Variants in GDAP1 observed in about 807,000 individuals in gnomAD.
GDAP1 encodes ganglioside-induced differentiation-associated protein 1.
Under a neutral mutation model 40.1 loss-of-function variants are expected in GDAP1, and 34 were observed. The ratio of observed to expected loss-of-function variants is 0.85; its 90% CI spans 0.64 to 1.13. The LOEUF is 1.13. Among genes scored for constraint, GDAP1 ranks in the 50% most tolerant of loss-of-function variants. GDAP1 has a pLI of 0.00. For synonymous variants in GDAP1, 170 were observed against 157.4 expected (o/e 1.08, Z -0.60); for missense variants, 374 against 433.7 (o/e 0.86, Z 1.22).
chr8:74,437,824 T>C (rs1806111810), intron 2 of GDAP1, among the ~76,000 whole-genome samples: 1 of 152,224 alleles, frequency 6.6e-6, no homozygotes, highest in South Asian at 2.1e-4. Context: ...TCATTTTCAT[T>C]ATATGAATAT....
At chr8:74,409,643 G>T (rs901361511) in intron 2 of GDAP1, among the ~76,000 whole-genome samples, 1 of 149,928 alleles carries the variant, frequency 6.7e-6, no homozygotes, top group Non-Finnish European at 1.5e-5. Context: ...GTGAGCCACC[G>T]CACCTGACCC....
chr8:74,441,511 A>G (rs1030366986), intron 2 of GDAP1, among the ~76,000 whole-genome samples: 33 of 152,174 alleles, frequency 2.2e-4, no homozygotes, highest in African/African-American at 7.7e-4. Flanking sequence ...TTGAATTTTT[A>G]TGGCCATGTG....
chr8:74,386,290 T>C (rs898212157), intron 2 of GDAP1, among the ~76,000 whole-genome samples: 2 of 152,240 alleles, frequency 1.3e-5, no homozygotes, highest in African/African-American at 4.8e-5. Context: ...TGGTATTGCC[T>C]AGGTTTTCCT....
At chr8:74,460,417 A>G (rs1806386249) in intron 2 of GDAP1, among the ~76,000 whole-genome samples, 4 of 152,196 alleles carry the variant, frequency 2.6e-5, no homozygotes, top group African/African-American at 9.7e-5. Flanking sequence ...CAGTTGCTCT[A>G]TTACAATACA....
intron 2 of GDAP1, among the ~76,000 whole-genome samples, chr8:74,456,618 A>C (rs1806338773): frequency 6.6e-6 from 1 of 151,970 alleles, no homozygotes; most frequent in Admixed American, 6.6e-5. Flanking sequence ...ATGCTAGTAG[A>C]TATGGACAGG....
intron 2 of GDAP1, among the ~76,000 whole-genome samples, chr8:74,464,470 G>A (rs1806442509): frequency 6.6e-6 from 1 of 152,198 alleles, no homozygotes; most frequent in Admixed American, 6.5e-5. Flanking sequence ...CCTAAGGGAG[G>A]AGCAATTGGA....
At chr8:74,459,621 G>T (rs73686983) in intron 2 of GDAP1, among the ~76,000 whole-genome samples, 1,641 of 152,198 alleles carry the variant, frequency 0.011, 31 homozygotes, top group African/African-American at 0.037. Flanking sequence ...TTAAGCAAAA[G>T]AATAGGAATA....
At chr8:74,449,837 GT>G (rs1806275427) in intron 2 of GDAP1, among the ~76,000 whole-genome samples, 1 of 151,634 alleles carries the variant, frequency 6.6e-6, no homozygotes, top group African/African-American at 2.4e-5. Context: ...ATTTCTTTAA[GT>G]TTCTGGTTTG....
chr8:74,373,386 T>C, intron 2 of GDAP1, among the ~76,000 whole-genome samples: 1 of 152,242 alleles, frequency 6.6e-6, no homozygotes, highest in Admixed American at 6.5e-5. Context: ...TTCCTATCGA[T>C]GAGCATGGAA....
intron 2 of GDAP1, among the ~76,000 whole-genome samples, chr8:74,471,241 C>G (rs1475417817): frequency 6.6e-6 from 1 of 152,094 alleles, no homozygotes; most frequent in Non-Finnish European, 1.5e-5. Context: ...TGCAGAAGCT[C>G]TTTAGTTTAA....
In GDAP1 at chr8:74,365,660, A is replaced by T. The variant is rs1809593882; in HGVS notation, c.*1293A>T. On this transcript the variant is annotated 3_prime_UTR_variant, in exon 6 of 6. Transcript: ENST00000220822. ...ATGTACTAACTTTATCATTAATAGG[A>T]AAGTCATACCTAGGAAACAATGACT... 2.2e-6 allele frequency: 1 copy of T among 454,380 alleles called. No homozygotes were observed. Among genetic ancestry groups the T allele is most frequent in the African/African-American group, 2.0e-5 (1 of 49,970 alleles). 28.1% of individuals were successfully genotyped at this position (454,380 alleles called of 1,614,324 possible). A position where few individuals can be genotyped will look rare whatever the true frequency, so the allele number is the denominator to read the frequency against.
intron 2 of GDAP1, among the ~76,000 whole-genome samples, chr8:74,402,055 T>G (rs1201897824): frequency 2.7e-5 from 4 of 150,152 alleles, no homozygotes. Context: ...TCCAGCTGCG[T>G]GCTGGGAGAA....
chr8:74,434,428 T>G (rs1418997952), intron 2 of GDAP1, among the ~76,000 whole-genome samples: 1 of 152,114 alleles, frequency 6.6e-6, no homozygotes, highest in Non-Finnish European at 1.5e-5. Flanking sequence ...CAGTATATAC[T>G]GAAGATTTAA....
intron 2 of GDAP1, among the ~76,000 whole-genome samples, chr8:74,412,327 A>G (rs1448409402): frequency 2.0e-5 from 3 of 150,146 alleles, no homozygotes; most frequent in African/African-American, 7.6e-5. Context: ...AGGAAGTCCA[A>G]CATATAAAAG....
intron 2 of GDAP1, among the ~76,000 whole-genome samples, chr8:74,434,931 T>A (rs1299641983): frequency 6.6e-6 from 1 of 152,210 alleles, no homozygotes; most frequent in Non-Finnish European, 1.5e-5. Flanking sequence ...TTATGGTTGT[T>A]TTTTCTTTGG....
intron 2 of GDAP1, among the ~76,000 whole-genome samples, chr8:74,402,782 A>G (rs1397035955): frequency 4.0e-5 from 6 of 150,462 alleles, no homozygotes; most frequent in African/African-American, 1.5e-4. Context: ...TTTTGCATAT[A>G]CAAAAAATCT....
At chr8:74,422,336 T>C (rs768087562) in intron 2 of GDAP1, among the ~76,000 whole-genome samples, 2,099 of 58,858 alleles carry the variant, frequency 0.036, 42 homozygotes, top group African/African-American at 0.069. Context: ...TTTCTTTCTT[T>C]CTTTCTTTCT....
intron 2 of GDAP1, among the ~76,000 whole-genome samples, chr8:74,423,647 CA>C (rs1057445648): frequency 3.3e-5 from 5 of 151,898 alleles, no homozygotes; most frequent in African/African-American, 4.8e-5. Flanking sequence ...GGGGTATCCT[CA>C]GTAAAACAGA....
At chr8:74,373,632 G>T (rs185041950) in intron 2 of GDAP1, among the ~76,000 whole-genome samples, 137 of 152,320 alleles carry the variant, frequency 9.0e-4, no homozygotes, top group African/African-American at 3.2e-3. Context: ...TACTGAAGTT[G>T]CTTATCAGCT....
Sources: allele counts gnomAD v4.1 joint callset (sites outside exome capture counted in the v4.1 genomes callset), GRCh38; gene constraint gnomAD v4.1.1; transcripts MANE v1.5; gene names NCBI Gene and HGNC (gene_info 2026-07-23, HGNC 2026-07-21).